Variants in FAM135B observed in about 807,000 individuals in gnomAD.
FAM135B encodes the protein family with sequence similarity 135 member B, also known as protein FAM135B.
FAM135B carries 43 observed loss-of-function variants against 127.7 expected under a neutral mutation model. The ratio of observed to expected loss-of-function variants is 0.34; its 90% confidence interval spans 0.26 to 0.43. The LOEUF (loss-of-function observed/expected upper bound fraction) is 0.43. Ranked by LOEUF, FAM135B falls within the 20% of genes least tolerant of loss-of-function variation. The pLI, the probability that FAM135B is intolerant of heterozygous loss-of-function variation, is 1.00. For missense variants in FAM135B, 1,558 were observed against 1,725.6 expected (o/e 0.90, Z 1.72); for synonymous variants, 670 against 665.1 (o/e 1.01, Z -0.11).
chr8:138,464,644 C>A (rs964155521), intron 1 of FAM135B, among the ~76,000 whole-genome samples: 8 of 152,156 alleles, frequency 5.3e-5, no homozygotes, highest in Non-Finnish European at 8.8e-5. Flanking sequence ...ATGGAAAAAA[C>A]CAGAATGGAA....
At chr8:138,454,048 C>T (rs1467696964) in intron 1 of FAM135B, among the ~76,000 whole-genome samples, 1 of 151,698 alleles carries the variant, frequency 6.6e-6, no homozygotes, top group East Asian at 1.9e-4. Flanking sequence ...ACTCCCAGGA[C>T]CAGGTGGGGG....
chr8:138,224,337 C>T (rs1819247638), intron 7 of FAM135B, among the ~76,000 whole-genome samples: 1 of 152,172 alleles, frequency 6.6e-6, no homozygotes, highest in Non-Finnish European at 1.5e-5. Context: ...TGCAGAAAGT[C>T]ATCCAGCATC....
intron 2 of FAM135B, among the ~76,000 whole-genome samples, chr8:138,344,713 C>T (rs1480842584): frequency 3.3e-5 from 5 of 151,842 alleles, no homozygotes; most frequent in African/African-American, 1.2e-4. Flanking sequence ...ATAGCTGGGA[C>T]TACAGGTGCC....
In FAM135B at chr8:138,448,498, C is replaced by G. The variant is rs181283672; in HGVS notation, c.-20+48173G>C. ...ATAGTTAGCAAGGATCTTTTACTTA[C>G]TGTAAAAGCTGGAGTATCACTTATT... On this transcript the variant is annotated intron_variant, in intron 1 of 19. Coordinates refer to ENST00000395297, the MANE Select transcript of FAM135B (RefSeq NM_015912.4). Among the ~76,000 whole-genome samples, 633 of 152,204 alleles carry G rather than the reference C, an allele frequency of 4.2e-3. 1 individual carries two copies. The highest frequency in any genetic ancestry group is 5.1e-3 in the Non-Finnish European group (349 of 68,010).
At chr8:138,273,709 T>A (rs1586939142) in intron 3 of FAM135B, among the ~76,000 whole-genome samples, 1 of 152,284 alleles carries the variant, frequency 6.6e-6, no homozygotes, top group East Asian at 1.9e-4. Flanking sequence ...AGATGATGCC[T>A]CATGCCCACC....
intron 12 of FAM135B, among the ~76,000 whole-genome samples, chr8:138,153,463 G>C (rs1199281546): frequency 4.6e-5 from 7 of 152,168 alleles, no homozygotes; most frequent in Non-Finnish European, 7.3e-5. Flanking sequence ...GCAGCCCACG[G>C]AGTGTGAGAC....
rs966379270 is a variant in FAM135B, at chr8:138,148,376, T to C, written c.3448+144A>G. The C allele has an allele frequency of 1.5e-4, 99 of 670,996 alleles. No individual in the cohort carries two copies. The African/African-American group carries it at 1.8e-3, about 12-fold the overall frequency. The allele number at this position is 670,996 out of a possible 1,614,324, so 41.6% of individuals were successfully genotyped here. On this transcript the variant is annotated intron_variant, in intron 14 of 19. Coordinates refer to ENST00000395297, the MANE Select transcript of FAM135B (RefSeq NM_015912.4). ...TTCTTCAACAGCAAGCCATACCATT[T>C]CCTTAGATTCATCATAATTACTGTC...
intron 7 of FAM135B, among the ~76,000 whole-genome samples, chr8:138,226,853 C>T (rs1819496453): frequency 6.6e-6 from 1 of 152,044 alleles, no homozygotes; most frequent in Non-Finnish European, 1.5e-5. Flanking sequence ...TGTGCCACCA[C>T]ACCGAGCTAA....
chr8:138,213,986 A>G (rs1818348547), intron 7 of FAM135B, among the ~76,000 whole-genome samples: 1 of 152,142 alleles, frequency 6.6e-6, no homozygotes, highest in South Asian at 2.1e-4. Flanking sequence ...CCCAGGGACC[A>G]AAGCCTGATC....
chr8:138,160,371 T>TTTTATTTATTTA (rs533597452), intron 12 of FAM135B, among the ~76,000 whole-genome samples: 1 of 151,538 alleles, frequency 6.6e-6, no homozygotes, highest in African/African-American at 2.4e-5. Flanking sequence ...TGGTGTCTGG[T>TTTTATTTATTTA]TTTATTTATT....
intron 2 of FAM135B, among the ~76,000 whole-genome samples, chr8:138,317,488 C>G (rs555778430): frequency 6.6e-6 from 1 of 152,272 alleles, no homozygotes; most frequent in Admixed American, 6.5e-5. Context: ...CATAGCATTA[C>G]AAGATACTAC....
chr8:138,216,082 G>A (rs1389536104), intron 7 of FAM135B, among the ~76,000 whole-genome samples: 1 of 152,142 alleles, frequency 6.6e-6, no homozygotes, highest in Non-Finnish European at 1.5e-5. Context: ...CAGACAAGGA[G>A]CCTGTCTGCA....
chr8:138,455,774 C>T (rs1163698955), intron 1 of FAM135B, among the ~76,000 whole-genome samples: 3 of 152,144 alleles, frequency 2.0e-5, no homozygotes, highest in African/African-American at 7.2e-5. Flanking sequence ...GGGTCCATCA[C>T]CACTATGGTG....
intron 3 of FAM135B, among the ~76,000 whole-genome samples, chr8:138,269,351 G>A (rs1023578246): frequency 2.6e-5 from 4 of 152,176 alleles, no homozygotes; most frequent in African/African-American, 9.7e-5. Flanking sequence ...AGCACCCTTA[G>A]GGACCATCTA....
chr8:138,315,985 A>G (rs1827057880), intron 2 of FAM135B, among the ~76,000 whole-genome samples: 1 of 152,164 alleles, frequency 6.6e-6, no homozygotes, highest in East Asian at 1.9e-4. Flanking sequence ...TGTATTATAT[A>G]CTGAAATTTG....
At chr8:138,148,460 T>A (rs1817838036) in intron 14 of FAM135B, 60 bp downstream of exon 14, 4 of 1,367,436 alleles carry the variant, frequency 2.9e-6, no homozygotes, top group Non-Finnish European at 4.1e-6. Flanking sequence ...AATTAATACA[T>A]AAATATTATA....
chr8:138,494,653 C>T (rs903364573), intron 1 of FAM135B, among the ~76,000 whole-genome samples: 2 of 152,100 alleles, frequency 1.3e-5, no homozygotes, highest in African/African-American at 4.8e-5. Flanking sequence ...AATTATAATT[C>T]CTTCAGCAAT....
At chr8:138,303,101 T>A (rs1563876158) in intron 3 of FAM135B, among the ~76,000 whole-genome samples, 2 of 152,176 alleles carry the variant, frequency 1.3e-5, no homozygotes, top group Admixed American at 6.5e-5. Flanking sequence ...ATCCAAAGGA[T>A]TATAAATCAT....
intron 4 of FAM135B, among the ~76,000 whole-genome samples, chr8:138,263,676 G>A (rs1297818619): frequency 6.6e-6 from 1 of 152,190 alleles, no homozygotes; most frequent in African/African-American, 2.4e-5. Flanking sequence ...GGCAACTGTG[G>A]TCTGGACATG....
Sources: allele counts gnomAD v4.1 joint callset (sites outside exome capture counted in the v4.1 genomes callset), GRCh38; gene constraint gnomAD v4.1.1; transcripts MANE v1.5; gene names NCBI Gene and HGNC (gene_info 2026-07-23, HGNC 2026-07-21).